PIBF1: variants seen among roughly 807,000 people sequenced by gnomAD.
PIBF1 encodes the protein progesterone-induced-blocking factor 1.
In PIBF1, 90 loss-of-function variants were observed where a neutral mutation model predicts 112.5. That is an observed-to-expected ratio of 0.80 (90% confidence interval 0.67 to 0.95). PIBF1 has a LOEUF of 0.95. PIBF1 is among the 40% of genes least tolerant of loss of function. The pLI is 0.00. For synonymous variants in PIBF1, 301 were observed against 288.6 expected (o/e 1.04, Z -0.44); for missense variants, 915 against 852.3 (o/e 1.07, Z -0.92).
rs1437490785 is a variant in PIBF1, at chr13:72,964,988, G to A, written c.1834-286G>A. On this transcript the variant is annotated intron_variant, in intron 14 of 17. Transcript: ENST00000326291. ...GAGGCAGGAGAATCACTTGAACCTG[G>A]AAGGCGGAGGTTGCAGTGAGCCGAG... 3.9e-5 allele frequency among the ~76,000 whole-genome samples: 6 copies of A among 152,296 alleles called. No homozygotes were observed. The East Asian group carries it at 1.2e-3, about 29-fold the overall frequency.
At chr13:72,847,314 C>A (rs2138278648) in intron 9 of PIBF1, among the ~76,000 whole-genome samples, 1 of 152,288 alleles carries the variant, frequency 6.6e-6, no homozygotes, top group East Asian at 1.9e-4. Context: ...TAACAGGATA[C>A]CTGAGACTGG....
chr13:72,988,953 A>G (rs1037760145), intron 16 of PIBF1, among the ~76,000 whole-genome samples: 9 of 152,100 alleles, frequency 5.9e-5, no homozygotes, highest in African/African-American at 2.2e-4. Flanking sequence ...CAGGAGAATC[A>G]CTTGAACCCA....
At chr13:72,901,346 A>G (rs2040478018) in intron 11 of PIBF1, among the ~76,000 whole-genome samples, 2 of 152,146 alleles carry the variant, frequency 1.3e-5, no homozygotes, top group Non-Finnish European at 2.9e-5. Flanking sequence ...AAACAAAACC[A>G]CGATACAGTA....
At chr13:72,997,782 T>C (rs2043728002) in intron 16 of PIBF1, among the ~76,000 whole-genome samples, 1 of 152,242 alleles carries the variant, frequency 6.6e-6, no homozygotes, top group South Asian at 2.1e-4. Flanking sequence ...AGCCTACCAC[T>C]GTTCTGTTCT....
At chr13:72,893,657 C>A in intron 10 of PIBF1, 127 bp from the exon 11 acceptor site, 1 of 481,914 alleles carries the variant, frequency 2.1e-6, no homozygotes, top group Non-Finnish European at 3.5e-6. Context: ...AAAAGCTTTG[C>A]TGAATAAATA....
chr13:72,894,075 A>AC (rs2040169283), intron 11 of PIBF1, 126 bp downstream of exon 11: 1 of 476,358 alleles, frequency 2.1e-6, no homozygotes, highest in African/African-American at 2.0e-5. Flanking sequence ...AAAAAAAAAA[A>AC]AAAACAAGGA....
rs34603942 is a variant in PIBF1, at chr13:72,996,694, G to A, written c.2050-2128G>A. ...TCCTAGCTACTCAGGAGGCTGAGGC[G>A]GTAGGATGGTTTGAATGAACTGTGA... On this transcript the variant is annotated intron_variant, in intron 16 of 17. Transcript: ENST00000326291. Among the ~76,000 whole-genome samples the A allele has an allele frequency of 1.7e-3, 253 of 152,014 alleles. No homozygotes were observed. In the Middle Eastern group the frequency reaches 0.017, roughly 10 times the overall value.
chr13:72,946,755 G>A (rs563314166), intron 14 of PIBF1, among the ~76,000 whole-genome samples: 33 of 152,266 alleles, frequency 2.2e-4, no homozygotes, highest in East Asian at 3.9e-4. Flanking sequence ...TTAAAGCTCC[G>A]AAATGACCTC....
chr13:72,951,198 G>C (rs2042287281), intron 14 of PIBF1, among the ~76,000 whole-genome samples: 1 of 152,030 alleles, frequency 6.6e-6, no homozygotes, highest in Admixed American at 6.6e-5. Flanking sequence ...ATTTATCTTC[G>C]GGTCGTAGGG....
intron 5 of PIBF1, among the ~76,000 whole-genome samples, chr13:72,816,426 G>T (rs1342122491): frequency 6.6e-6 from 1 of 152,096 alleles, no homozygotes; most frequent in Non-Finnish European, 1.5e-5. Context: ...CACTTTTGGG[G>T]CTGAGGCGGG....
intron 11 of PIBF1, among the ~76,000 whole-genome samples, chr13:72,904,433 CTTTTTTTTTTTT>C (rs71099767): frequency 2.7e-5 from 1 of 36,558 alleles, no homozygotes; most frequent in Non-Finnish European, 4.6e-5. Flanking sequence ...CAAAATATTT[CTTTTTTTTTTTT>C]TTTTTTTTTT....
chr13:72,872,100 C>T (rs2039191533), intron 10 of PIBF1, among the ~76,000 whole-genome samples: 1 of 152,140 alleles, frequency 6.6e-6, no homozygotes. Context: ...TACTTAACCT[C>T]TATGTCTCAG....
chr13:72,820,987 A>C (rs1187366505), intron 5 of PIBF1, among the ~76,000 whole-genome samples: 2 of 152,208 alleles, frequency 1.3e-5, no homozygotes, highest in Non-Finnish European at 2.9e-5. Flanking sequence ...CCCACCCTTA[A>C]GATGTTTACA....
chr13:72,827,017 G>T lies in PIBF1; in HGVS notation c.814G>T (p.Asp272Tyr), dbSNP rs770440422. The change falls in exon 7 of 18, where the codon GAT becomes TAT. Residue 272 changes from aspartate (D) to tyrosine (Y), a missense_variant. By Grantham distance (160) the Asp-to-Tyr change is radical (BLOSUM62 -3). Transcript: ENST00000326291. ...TGAATTTTATTTTAACAGTGAACGT[G>T]ATGCACTTGAACAGGAAGTAATTGA... ...ENYDKVKSERDALEQEVIELR... is the reference protein window; with the variant it reads ...ENYDKVKSERYALEQEVIELR... 1 of 1,587,876 alleles carries T rather than the reference G, an allele frequency of 6.3e-7. No individual in the cohort carries two copies. The highest frequency in any genetic ancestry group is 1.1e-5 in the South Asian group (1 of 88,590).
chr13:72,832,719 A>G (rs1057158366), intron 8 of PIBF1, among the ~76,000 whole-genome samples: 2 of 151,922 alleles, frequency 1.3e-5, no homozygotes, highest in African/African-American at 2.4e-5. Context: ...CTTCATTTCA[A>G]CCTTGGCGAA....
At chr13:73,004,730 CAG>C (rs1330925801) in intron 17 of PIBF1, among the ~76,000 whole-genome samples, 1 of 152,054 alleles carries the variant, frequency 6.6e-6, no homozygotes, top group Non-Finnish European at 1.5e-5. Flanking sequence ...TTAATAGAGA[CAG>C]AAAGTAGAGT....
At position 72,784,862 on chromosome 13, in the gene PIBF1, G is replaced by A. The variant is rs148688883; in HGVS notation, c.252+1141G>A. Among the ~76,000 whole-genome samples the A allele has an allele frequency of 1.9e-3, 288 of 152,154 alleles. 1 individual carries two copies. Among genetic ancestry groups the A allele is most frequent in the African/African-American group, 6.6e-3 (273 of 41,506 alleles). ...TCAATTTAAAAAATCTAACATATGAGGTATTTTGTTGTTTTTTGTTGTTGT... is the reference window on the plus strand; with the variant it reads ...TCAATTTAAAAAATCTAACATATGAAGTATTTTGTTGTTTTTTGTTGTTGT... On this transcript the variant is annotated intron_variant, in intron 2 of 17. Transcript: ENST00000326291.
At chr13:72,988,462 A>G (rs2043375041) in intron 16 of PIBF1, among the ~76,000 whole-genome samples, 1 of 152,158 alleles carries the variant, frequency 6.6e-6, no homozygotes, top group Non-Finnish European at 1.5e-5. Context: ...AGTTGCAGAT[A>G]TTAATACTAT....
chr13:72,991,953 C>T (rs930978330), intron 16 of PIBF1, among the ~76,000 whole-genome samples: 1 of 152,094 alleles, frequency 6.6e-6, no homozygotes. Flanking sequence ...CTCCTGACCT[C>T]GTGATCCACC....
Sources: gnomAD v4.1 joint callset for allele counts (sites outside exome capture counted in the v4.1 genomes callset) on GRCh38, gnomAD v4.1.1 for gene constraint, MANE v1.5 for transcripts, NCBI Gene and HGNC (gene_info 2026-07-23, HGNC 2026-07-21) for gene names.